GPHN: variants seen among roughly 807,000 people sequenced by gnomAD.
The protein encoded by GPHN is gephyrin.
GPHN carries 17 observed loss-of-function variants against 95.5 expected under a neutral mutation model. The ratio of observed to expected loss-of-function variants is 0.18; its 90% CI spans 0.12 to 0.27. The LOEUF (loss-of-function observed/expected upper bound fraction) is 0.27, where lower values mean the gene tolerates loss of function less well. Ranked by LOEUF, GPHN falls within the 10% of genes least tolerant of loss-of-function variation. GPHN has a pLI of 1.00. For synonymous variants in GPHN, 320 were observed against 322.5 expected, an observed-to-expected ratio of 0.99 and a Z score of 0.08; for missense variants, 660 against 978.1, an observed-to-expected ratio of 0.67 and a Z score of 4.34.
chr14:67,029,339 CT>C (rs71446327), intron 10 of GPHN, among the ~76,000 whole-genome samples: 306 of 139,060 alleles, frequency 2.2e-3, no homozygotes, highest in South Asian at 2.3e-3. Flanking sequence ...TATCATTATT[CT>C]TTTTTTTTTT....
chr14:67,634,320 C>T, the GPHN span, among the ~76,000 whole-genome samples: 6 of 151,470 alleles, frequency 4.0e-5, no homozygotes, highest in Non-Finnish European at 8.8e-5. Context: ...GGGCTGGGTG[C>T]GATGGCTCAC....
the GPHN span, chr14:67,659,632 G>C: frequency 8.1e-7 from 1 of 1,236,212 alleles, no homozygotes; most frequent in South Asian, 1.6e-5. Flanking sequence ...CAAGAGTCTA[G>C]TATACACTGA....
the GPHN span, among the ~76,000 whole-genome samples, chr14:67,548,848 A>C: frequency 6.6e-6 from 1 of 152,334 alleles, no homozygotes; most frequent in African/African-American, 2.4e-5. Flanking sequence ...TCACCAGCCA[A>C]GGTTTTGGAG....
At chr14:66,539,295 G>A (rs972066437) in intron 1 of GPHN, among the ~76,000 whole-genome samples, 3 of 151,650 alleles carry the variant, frequency 2.0e-5, no homozygotes, top group Non-Finnish European at 2.9e-5. Flanking sequence ...CTTCTAGCAC[G>A]TCTCCCAGCC....
chr14:66,847,174 C>A (rs1053779673), intron 4 of GPHN, among the ~76,000 whole-genome samples: 9 of 152,064 alleles, frequency 5.9e-5, no homozygotes, highest in Non-Finnish European at 1.3e-4. Flanking sequence ...TTTATTTTAA[C>A]AGCACAGCTA....
At chr14:66,628,590 A>G (rs929081457) in intron 1 of GPHN, among the ~76,000 whole-genome samples, 1 of 152,148 alleles carries the variant, frequency 6.6e-6, no homozygotes, top group African/African-American at 2.4e-5. Context: ...GGACTTTACC[A>G]TACACCACTG....
the GPHN span, among the ~76,000 whole-genome samples, chr14:67,695,106 C>T: frequency 6.6e-6 from 1 of 152,220 alleles, no homozygotes; most frequent in South Asian, 2.1e-4. Context: ...AAACACTCTT[C>T]CTTTTCACTT....
At chr14:66,817,889 A>G (rs1055481749) in intron 3 of GPHN, among the ~76,000 whole-genome samples, 2 of 152,152 alleles carry the variant, frequency 1.3e-5, no homozygotes, top group African/African-American at 4.8e-5. Flanking sequence ...CATTCCATTG[A>G]TCAAATCAAG....
intron 4 of GPHN, among the ~76,000 whole-genome samples, chr14:66,860,833 T>C (rs1471019103): frequency 1.3e-5 from 2 of 152,166 alleles, no homozygotes; most frequent in African/African-American, 2.4e-5. Context: ...TAATGTGTTA[T>C]AGTATTTGCA....
Position 67,181,453 on chromosome 14 carries a change from C to A in GPHN, c.*516C>A, listed in dbSNP as rs754305065. The stretch of plus-strand genomic sequence containing the variant: ...GAAGACTGACTGGGTGGAGGCTCTG[C>A]CTTGCCTCAAGAACCATCCCCTGCA... On this transcript the variant is annotated 3_prime_UTR_variant, in exon 23 of 23. Transcript: ENST00000478722. The A allele has an allele frequency of 1.5e-5, 8 of 518,232 alleles. No individual in the cohort carries two copies. The highest frequency in any genetic ancestry group is 9.2e-5 in the Admixed American group (4 of 43,434). The allele number at this position is 518,232 out of a possible 1,614,324, so 32.1% of individuals were successfully genotyped here.
At chr14:67,290,258 A>T in the GPHN span, among the ~76,000 whole-genome samples, 1 of 152,208 alleles carries the variant, frequency 6.6e-6, no homozygotes, top group African/African-American at 2.4e-5. Flanking sequence ...TAGTCGAGAA[A>T]CTTTTAAAGA....
At chr14:67,024,997 CA>C (rs149221691) in intron 10 of GPHN, among the ~76,000 whole-genome samples, 1 of 152,010 alleles carries the variant, frequency 6.6e-6, no homozygotes, top group Non-Finnish European at 1.5e-5. Flanking sequence ...GCTCACACCT[CA>C]AAAAAATAAA....
At chr14:67,724,412 C>G in the GPHN span, 6 of 784,932 alleles carry the variant, frequency 7.6e-6, no homozygotes, top group African/African-American at 1.9e-5. Flanking sequence ...TTTTTTTTAA[C>G]GTATCTTAGT....
rs112576895 is a variant in GPHN, at chr14:67,052,073, C to T, written c.1007-6576C>T. On this transcript the variant is annotated intron_variant, in intron 10 of 22. Transcript: ENST00000478722. ...ATCAACAAGTCTGCAAAATAACCAG[C>T]TAGCATCATGATGACAGGATCAAAT... Among the ~76,000 whole-genome samples the T allele has an allele frequency of 8.5e-5, 13 of 152,260 alleles. 2 individuals carry two copies. Among genetic ancestry groups the T allele is most frequent in the African/African-American group, 3.1e-4 (13 of 41,540 alleles).
the GPHN span, among the ~76,000 whole-genome samples, chr14:67,346,328 T>C: frequency 2.6e-5 from 4 of 152,282 alleles, no homozygotes; most frequent in Admixed American, 2.6e-4. Flanking sequence ...TATTTATTTA[T>C]TGAGATGGGG....
the GPHN span, among the ~76,000 whole-genome samples, chr14:67,186,958 CAT>C: frequency 6.6e-6 from 1 of 152,108 alleles, no homozygotes; most frequent in African/African-American, 2.4e-5. Context: ...AATAAGCCCA[CAT>C]GTGAAGAGCT....
At chr14:66,678,728 G>T (rs925197224) in intron 1 of GPHN, among the ~76,000 whole-genome samples, 5 of 151,772 alleles carry the variant, frequency 3.3e-5, no homozygotes, top group Non-Finnish European at 7.4e-5. Context: ...AGCTTTTTTA[G>T]GTAAACTTTT....
intron 2 of GPHN, among the ~76,000 whole-genome samples, chr14:66,773,371 T>TC (rs2059254657): frequency 7.3e-6 from 1 of 137,376 alleles, no homozygotes; most frequent in South Asian, 2.4e-4. Context: ...TTTTTTTTTT[T>TC]GAGACGGAGC....
intron 8 of GPHN, among the ~76,000 whole-genome samples, chr14:66,930,456 T>TC (rs1223449745): frequency 2.0e-5 from 3 of 151,510 alleles, no homozygotes; most frequent in Non-Finnish European, 2.9e-5. Context: ...TTTAAATTCA[T>TC]CCCCCCAGTT....
Sources: gnomAD v4.1 joint callset for allele counts (sites outside exome capture counted in the v4.1 genomes callset) on GRCh38, gnomAD v4.1.1 for gene constraint, MANE v1.5 for transcripts, NCBI Gene and HGNC (gene_info 2026-07-23, HGNC 2026-07-21) for gene names.